Variants in SORCS2 observed in about 807,000 individuals in gnomAD.
SORCS2 encodes the protein sortilin related VPS10 domain containing receptor 2, also known as VPS10 domain-containing receptor SorCS2.
SORCS2 carries 100 observed loss-of-function variants against 141.6 expected under a neutral mutation model. The observed-to-expected ratio is 0.71, with a 90% CI of 0.60 to 0.83. The LOEUF (loss-of-function observed/expected upper bound fraction) is 0.83, where lower values mean the gene tolerates loss of function less well. Ranked by LOEUF, SORCS2 falls within the 40% of genes least tolerant of loss-of-function variation. The pLI, the probability that SORCS2 is intolerant of heterozygous loss-of-function variation, is 0.00. For missense variants in SORCS2, 1,646 were observed against 1,560.2 expected (o/e 1.05, Z -0.93); for synonymous variants, 789 against 676.9 (o/e 1.17, Z -2.57).
intron 3 of SORCS2, among the ~76,000 whole-genome samples, chr4:7,629,056 G>T (rs1022189413): frequency 1.1e-4 from 16 of 152,090 alleles, no homozygotes; most frequent in Non-Finnish European, 2.1e-4. Flanking sequence ...CTGGTCATCT[G>T]GAGTTCCCTT....
In SORCS2 at chr4:7,456,301, A is replaced by G. The variant is rs116671237; in HGVS notation, c.548+59946A>G. On this transcript the variant is annotated intron_variant, in intron 2 of 26. Transcript: ENST00000507866. ...TGACAGGAGCTCACTGGTGTTTGTG[A>G]TGTGAATGAATGAATGAATGAATGA... Among the ~76,000 whole-genome samples, 942 of 151,886 alleles carry G rather than the reference A, an allele frequency of 6.2e-3. 2 individuals are homozygous for G. Among genetic ancestry groups the G allele is most frequent in the Middle Eastern group, 0.017 (5 of 294 alleles).
At chr4:7,685,711 T>C (rs1182920810) in intron 10 of SORCS2, among the ~76,000 whole-genome samples, 9 of 148,312 alleles carry the variant, frequency 6.1e-5, no homozygotes, top group Non-Finnish European at 1.3e-4. Context: ...ATGACAGCCG[T>C]ATGGCTCAGA....
chr4:7,557,980 C>A (rs1271548423), intron 3 of SORCS2, among the ~76,000 whole-genome samples: 1 of 152,228 alleles, frequency 6.6e-6, no homozygotes, highest in African/African-American at 2.4e-5. Context: ...GAAGACAAGA[C>A]ATGGACTAAC....
intron 4 of SORCS2, among the ~76,000 whole-genome samples, chr4:7,651,565 C>T (rs1336330419): frequency 6.6e-6 from 1 of 152,200 alleles, no homozygotes; most frequent in Non-Finnish European, 1.5e-5. Flanking sequence ...GCACCGTGCC[C>T]AAGAGGCCAC....
At chr4:7,401,909 A>G (rs1049224212) in intron 2 of SORCS2, among the ~76,000 whole-genome samples, 7 of 152,204 alleles carry the variant, frequency 4.6e-5, no homozygotes, top group Admixed American at 1.3e-4. Flanking sequence ...ACTTTAATTA[A>G]GAAATCTTGA....
Position 7,397,062 on chromosome 4 carries a change from A to G in SORCS2, c.548+707A>G, listed in dbSNP as rs80043937. Among the ~76,000 whole-genome samples the G allele has an allele frequency of 9.7e-3, 1,475 of 152,272 alleles. 21 individuals are homozygous for G. Among genetic ancestry groups the G allele is most frequent in the Middle Eastern group, 0.051 (15 of 294 alleles). On this transcript the variant is annotated intron_variant, in intron 2 of 26. Transcript: ENST00000507866. The stretch of plus-strand genomic sequence containing the variant: ...CTTCCATGTACCGATTACCACCTCC[A>G]TGTTCTCTGGGTGTGAAACCATTTT...
intron 1 of SORCS2, among the ~76,000 whole-genome samples, chr4:7,243,581 C>G (rs935313262): frequency 6.6e-6 from 1 of 152,208 alleles, no homozygotes; most frequent in East Asian, 1.9e-4. Context: ...TGATGACACC[C>G]GTGAAACACC....
In SORCS2 at chr4:7,575,746, C is replaced by G. The variant is rs892010609; in HGVS notation, c.648+44117C>G. Among the ~76,000 whole-genome samples, 4 of 152,180 alleles carry G rather than the reference C, an allele frequency of 2.6e-5. No individual in the cohort carries two copies. The East Asian group carries it at 7.7e-4, about 29-fold the overall frequency. On this transcript the variant is annotated intron_variant, in intron 3 of 26. Coordinates refer to ENST00000507866, the MANE Select transcript of SORCS2 (RefSeq NM_020777.3). Reference sequence around the variant, plus strand: ...TTGTTTACCCATGGCTTAGTGCTGACCGGTGTGTTTACGCATCAGGATCAG... The same window carrying G: ...TTGTTTACCCATGGCTTAGTGCTGAGCGGTGTGTTTACGCATCAGGATCAG...
In SORCS2 at chr4:7,414,280, C is replaced by T. The variant is rs1725519016; in HGVS notation, c.548+17925C>T. Among the ~76,000 whole-genome samples, 7 of 152,252 alleles carry T rather than the reference C, an allele frequency of 4.6e-5. No homozygotes were observed. The South Asian group carries it at 1.2e-3, about 27-fold the overall frequency. Reference sequence around the variant, plus strand: ...TTGCACATGGCAAGACCTGGCTGCACTTAGGTGGTAAGGAGCCCCGTCCTA... The same window carrying T: ...TTGCACATGGCAAGACCTGGCTGCATTTAGGTGGTAAGGAGCCCCGTCCTA... On this transcript the variant is annotated intron_variant, in intron 2 of 26. Coordinates refer to ENST00000507866, the MANE Select transcript of SORCS2 (RefSeq NM_020777.3).
At chr4:7,194,575 G>C (rs778696681) in intron 1 of SORCS2, among the ~76,000 whole-genome samples, 4 of 152,182 alleles carry the variant, frequency 2.6e-5, no homozygotes, top group Admixed American at 6.5e-5. Context: ...CCTTGGAGGG[G>C]AGAGCTGGCT....
intron 2 of SORCS2, among the ~76,000 whole-genome samples, chr4:7,488,174 A>G (rs1731107823): frequency 6.6e-6 from 1 of 152,208 alleles, no homozygotes; most frequent in Admixed American, 6.5e-5. Flanking sequence ...GTCTCAGGCA[A>G]GGGCCAGGCT....
intron 3 of SORCS2, among the ~76,000 whole-genome samples, chr4:7,532,920 G>T (rs1427693112): frequency 6.6e-6 from 1 of 152,128 alleles, no homozygotes; most frequent in African/African-American, 2.4e-5. Context: ...GGAGGTGAGG[G>T]AGACCTGGCC....
At chr4:7,257,409 A>T (rs2108815530) in intron 1 of SORCS2, among the ~76,000 whole-genome samples, 1 of 152,148 alleles carries the variant, frequency 6.6e-6, no homozygotes, top group Admixed American at 6.5e-5. Context: ...GCTCCAAGAG[A>T]AACCAGTGTA....
At chr4:7,686,615 G>T (rs562969232) in intron 10 of SORCS2, among the ~76,000 whole-genome samples, 5 of 152,340 alleles carry the variant, frequency 3.3e-5, no homozygotes, top group South Asian at 2.1e-4. Flanking sequence ...CTCAGAGGAA[G>T]CCCTGTCTCT....
intron 1 of SORCS2, among the ~76,000 whole-genome samples, chr4:7,321,418 G>A (rs548889877): frequency 3.9e-5 from 6 of 152,278 alleles, no homozygotes; most frequent in African/African-American, 7.2e-5. Context: ...AATGAATTCA[G>A]TGAAGTCTCA....
chr4:7,306,142 A>T (rs1366003738), intron 1 of SORCS2, among the ~76,000 whole-genome samples: 1 of 152,136 alleles, frequency 6.6e-6, no homozygotes, highest in East Asian at 1.9e-4. Context: ...CCTGAAAATG[A>T]GTATCCCCAG....
chr4:7,387,708 A>C (rs1723508695), intron 1 of SORCS2, among the ~76,000 whole-genome samples: 1 of 150,768 alleles, frequency 6.6e-6, no homozygotes, highest in African/African-American at 2.4e-5. Flanking sequence ...ACGCACATGC[A>C]CACACATGCA....
At position 7,526,022 on chromosome 4, in the gene SORCS2, C is replaced by A. The variant is rs552390304; in HGVS notation, c.549-5508C>A. Among the ~76,000 whole-genome samples, 4 of 150,578 alleles carry A rather than the reference C, an allele frequency of 2.7e-5. No homozygotes were observed. In the East Asian group the frequency reaches 7.8e-4, roughly 29 times the overall value. ...CAGTCACCTGTCCCCTCCTCAGTCACCTGTCCCCTCCTCACACCTGTCTCC... is the reference window on the plus strand; with the variant it reads ...CAGTCACCTGTCCCCTCCTCAGTCAACTGTCCCCTCCTCACACCTGTCTCC... On this transcript the variant is annotated intron_variant, in intron 2 of 26. Transcript: ENST00000507866.
chr4:7,254,429 G>T (rs1341824562), intron 1 of SORCS2, among the ~76,000 whole-genome samples: 1 of 152,200 alleles, frequency 6.6e-6, no homozygotes, highest in Non-Finnish European at 1.5e-5. Flanking sequence ...CAGAGAGTCA[G>T]ATATAGCATG....
Sources: gnomAD v4.1 joint callset for allele counts (sites outside exome capture counted in the v4.1 genomes callset) on GRCh38, gnomAD v4.1.1 for gene constraint, MANE v1.5 for transcripts, NCBI Gene and HGNC (gene_info 2026-07-23, HGNC 2026-07-21) for gene names.